Variants in GABRG3 observed in about 807,000 individuals in gnomAD.
The protein encoded by GABRG3 is gamma-aminobutyric acid receptor subunit gamma-3.
A neutral mutation model predicts 48.8 loss-of-function variants in GABRG3; 25 were observed. The observed-to-expected ratio is 0.51, with a 90% CI of 0.37 to 0.72. GABRG3 has a LOEUF of 0.72. GABRG3 is among the 30% of genes least tolerant of loss of function. The probability of loss-of-function intolerance (pLI) is 0.00; values close to 1 mark genes in which losing one functional copy is unlikely to be tolerated. For synonymous variants in GABRG3, 227 were observed against 217.6 expected, an observed-to-expected ratio of 1.04 and a Z score of -0.38; for missense variants, 394 against 577.9, an observed-to-expected ratio of 0.68 and a Z score of 3.26.
intron 7 of GABRG3, among the ~76,000 whole-genome samples, chr15:27,525,616 T>C (rs1891257512): frequency 6.6e-6 from 1 of 152,210 alleles, no homozygotes; most frequent in Non-Finnish European, 1.5e-5. Flanking sequence ...ACAAGGTCTA[T>C]GGAAATTACA....
intron 3 of GABRG3, among the ~76,000 whole-genome samples, chr15:27,312,844 A>T (rs1893042091): frequency 6.6e-6 from 1 of 152,128 alleles, no homozygotes; most frequent in African/African-American, 2.4e-5. Flanking sequence ...AAATCTCATT[A>T]GTATAAGTAA....
chr15:26,978,435 C>T (rs1337513717), intron 2 of GABRG3, among the ~76,000 whole-genome samples: 1 of 151,862 alleles, frequency 6.6e-6, no homozygotes, highest in East Asian at 1.9e-4. Flanking sequence ...CCTTTGTGTT[C>T]TTCTGAAAGT....
At chr15:27,354,111 C>A (rs534410478) in intron 5 of GABRG3, among the ~76,000 whole-genome samples, 1 of 152,242 alleles carries the variant, frequency 6.6e-6, no homozygotes, top group African/African-American at 2.4e-5. Context: ...AGCTGGATGC[C>A]TTTGGGGAAT....
intron 3 of GABRG3, among the ~76,000 whole-genome samples, chr15:27,280,074 A>AT (rs774243656): frequency 5.9e-5 from 9 of 151,616 alleles, no homozygotes; most frequent in Non-Finnish European, 1.2e-4. Context: ...AGAACTAGTG[A>AT]TTTTTTTTAA....
chr15:27,299,511 A>G (rs1259204809), intron 3 of GABRG3, among the ~76,000 whole-genome samples: 1 of 152,194 alleles, frequency 6.6e-6, no homozygotes, highest in Non-Finnish European at 1.5e-5. Context: ...CTGTTTTGCA[A>G]GCAGTGAGAG....
At chr15:27,274,502 C>T (rs1891188496) in intron 3 of GABRG3, among the ~76,000 whole-genome samples, 1 of 152,094 alleles carries the variant, frequency 6.6e-6, no homozygotes, top group South Asian at 2.1e-4. Flanking sequence ...CTCTCAAGAA[C>T]CAGACCAGCC....
chr15:27,381,174 G>C (rs1895763806), intron 5 of GABRG3, among the ~76,000 whole-genome samples: 1 of 152,154 alleles, frequency 6.6e-6, no homozygotes, highest in Non-Finnish European at 1.5e-5. Context: ...GAGACAGGAA[G>C]GCTAGAGGGG....
At chr15:26,987,231 T>C (rs373998657) in intron 2 of GABRG3, among the ~76,000 whole-genome samples, 2 of 152,320 alleles carry the variant, frequency 1.3e-5, no homozygotes, top group East Asian at 1.9e-4. Flanking sequence ...ATTCATAAGA[T>C]GGCAGGGGGC....
chr15:27,430,489 G>A (rs1226720636), intron 5 of GABRG3, among the ~76,000 whole-genome samples: 1 of 152,060 alleles, frequency 6.6e-6, no homozygotes, highest in Non-Finnish European at 1.5e-5. Flanking sequence ...AGATCATGAA[G>A]TTTTATTTCT....
At chr15:27,036,906 T>C (rs1896188914) in intron 3 of GABRG3, among the ~76,000 whole-genome samples, 1 of 152,134 alleles carries the variant, frequency 6.6e-6, no homozygotes, top group African/African-American at 2.4e-5. Context: ...AATAGAGTCA[T>C]TGCAGATGTA....
intron 6 of GABRG3, among the ~76,000 whole-genome samples, chr15:27,506,789 G>T (rs1890770380): frequency 1.3e-5 from 2 of 150,598 alleles, no homozygotes; most frequent in Admixed American, 1.3e-4. Flanking sequence ...AGCAACTTTT[G>T]GGTTTTTTTT....
At chr15:27,023,550 G>A (rs1293364393) in intron 2 of GABRG3, among the ~76,000 whole-genome samples, 1 of 152,136 alleles carries the variant, frequency 6.6e-6, no homozygotes, top group East Asian at 1.9e-4. Context: ...TTATATAAGT[G>A]GAATCATAGT....
intron 5 of GABRG3, among the ~76,000 whole-genome samples, chr15:27,376,879 A>G (rs1316333864): frequency 6.6e-6 from 1 of 152,096 alleles, no homozygotes; most frequent in African/African-American, 2.4e-5. Flanking sequence ...CACTGGGTTG[A>G]ATTTCTCCTC....
At chr15:27,189,714 C>T (rs542541693) in intron 3 of GABRG3, among the ~76,000 whole-genome samples, 51 of 152,246 alleles carry the variant, frequency 3.3e-4, no homozygotes, top group Non-Finnish European at 7.1e-4. Flanking sequence ...ATTGAATACG[C>T]TTTATTTCCT....
At chr15:27,153,103 C>T (rs189685532) in intron 3 of GABRG3, among the ~76,000 whole-genome samples, 89 of 152,240 alleles carry the variant, frequency 5.8e-4, no homozygotes, top group African/African-American at 1.7e-3. Flanking sequence ...CCTTGTGATC[C>T]GCCCGCCTCG....
At chr15:27,506,543 T>C (rs1203718978) in intron 6 of GABRG3, among the ~76,000 whole-genome samples, 1 of 152,140 alleles carries the variant, frequency 6.6e-6, no homozygotes, top group Non-Finnish European at 1.5e-5. Flanking sequence ...AAAACCTGAA[T>C]GATATTAGAA....
intron 3 of GABRG3, among the ~76,000 whole-genome samples, chr15:27,057,373 C>A (rs1164449625): frequency 6.6e-6 from 1 of 152,214 alleles, no homozygotes; most frequent in African/African-American, 2.4e-5. Flanking sequence ...CTGAAACCAG[C>A]TTACAGGAAG....
At chr15:27,295,474 C>T (rs1169831395) in intron 3 of GABRG3, among the ~76,000 whole-genome samples, 1 of 152,070 alleles carries the variant, frequency 6.6e-6, no homozygotes, top group Non-Finnish European at 1.5e-5. Context: ...AAGGTAACCA[C>T]AAGGGCTGGA....
chr15:27,080,546 G>A (rs72715958), intron 3 of GABRG3, among the ~76,000 whole-genome samples: 29,404 of 152,090 alleles, frequency 0.19, 2,900 homozygotes, highest in Middle Eastern at 0.25. Context: ...CAGGAGGCCA[G>A]GGTGGAAGGA....
Sources: allele counts gnomAD v4.1 joint callset (sites outside exome capture counted in the v4.1 genomes callset), GRCh38; gene constraint gnomAD v4.1.1; transcripts MANE v1.5; gene names NCBI Gene and HGNC (gene_info 2026-07-23, HGNC 2026-07-21).